Variants in NRXN3 observed in about 807,000 individuals in gnomAD.
The protein encoded by NRXN3 is neurexin III.
NRXN3 carries 32 observed loss-of-function variants against 137.6 expected under a neutral mutation model. The ratio of observed to expected loss-of-function variants is 0.23; its 90% CI spans 0.18 to 0.31. The LOEUF (loss-of-function observed/expected upper bound fraction) is 0.31, where lower values mean the gene tolerates loss of function less well. Ranked by LOEUF, NRXN3 falls within the 10% of genes least tolerant of loss-of-function variation. The pLI is 1.00. For missense variants in NRXN3, 1,574 were observed against 2,062.5 expected, an observed-to-expected ratio of 0.76 and a Z score of 4.59; for synonymous variants, 798 against 784.5, an observed-to-expected ratio of 1.02 and a Z score of -0.29.
intron 19 of NRXN3, among the ~76,000 whole-genome samples, chr14:79,760,421 C>CT (rs36098809): frequency 0.033 from 4,548 of 138,268 alleles, 321 homozygotes; most frequent in African/African-American, 0.11. Context: ...ATAACTTAAC[C>CT]TTTTTTTTTT....
At chr14:78,995,647 C>A (rs965439098) in intron 15 of NRXN3, among the ~76,000 whole-genome samples, 1 of 152,112 alleles carries the variant, frequency 6.6e-6, no homozygotes, top group Non-Finnish European at 1.5e-5. Flanking sequence ...TTCGATATTA[C>A]TTTCAAAAAG....
chr14:79,103,170 G>C (rs2051676462), intron 15 of NRXN3, among the ~76,000 whole-genome samples: 1 of 152,192 alleles, frequency 6.6e-6, no homozygotes, highest in Non-Finnish European at 1.5e-5. Flanking sequence ...GAGAAAGGTA[G>C]TGGCAATGGG....
intron 8 of NRXN3, among the ~76,000 whole-genome samples, chr14:78,757,178 G>A (rs973102820): frequency 2.6e-5 from 4 of 151,990 alleles, no homozygotes; most frequent in Non-Finnish European, 5.9e-5. Flanking sequence ...GAGGCCGAGG[G>A]GGGCAGACTG....
At chr14:78,226,153 G>A (rs1468685273) in intron 1 of NRXN3, among the ~76,000 whole-genome samples, 1 of 152,092 alleles carries the variant, frequency 6.6e-6, no homozygotes, top group Non-Finnish European at 1.5e-5. Context: ...ACAGGCGCGT[G>A]CCACCACGCC....
chr14:79,851,109 T>TC, intron 20 of NRXN3, among the ~76,000 whole-genome samples: 1 of 152,294 alleles, frequency 6.6e-6, no homozygotes, highest in African/African-American at 2.4e-5. Context: ...TGCTGATGTA[T>TC]CTTTTTCGAA....
At chr14:79,194,928 G>A (rs1185769205) in intron 15 of NRXN3, among the ~76,000 whole-genome samples, 1 of 152,130 alleles carries the variant, frequency 6.6e-6, no homozygotes, top group Admixed American at 6.5e-5. Flanking sequence ...TGTGGAGGAA[G>A]AGGCTATAAA....
chr14:79,582,759 T>G (rs1193495585), intron 16 of NRXN3, among the ~76,000 whole-genome samples: 1 of 152,112 alleles, frequency 6.6e-6, no homozygotes, highest in African/African-American at 2.4e-5. Flanking sequence ...ACTAAAGGAA[T>G]GAAGAAATAA....
In NRXN3 at chr14:79,865,321, T is replaced by G. The variant is rs1244544915; in HGVS notation, c.*3357T>G. The G allele has an allele frequency of 6.6e-6, 1 of 152,226 alleles. No homozygotes were observed. The highest frequency in any genetic ancestry group is 2.4e-5 in the African/African-American group (1 of 41,470). 9.4% of individuals were successfully genotyped at this position (152,226 alleles called of 1,614,324 possible). On this transcript the variant is annotated 3_prime_UTR_variant, in exon 21 of 21. Coordinates refer to ENST00000335750, the MANE Select transcript of NRXN3 (RefSeq NM_001330195.2). The stretch of plus-strand genomic sequence containing the variant: ...TCATACACCCATTGTAGCAGTAATG[T>G]CTCATATTTCTCGTTCTCTCAGCAC...
chr14:78,398,691 A>G (rs992805081), intron 4 of NRXN3, among the ~76,000 whole-genome samples: 1 of 152,170 alleles, frequency 6.6e-6, no homozygotes, highest in African/African-American at 2.4e-5. Flanking sequence ...GGTGCTGGCA[A>G]AAGTCCTGGC....
chr14:78,686,660 C>T (rs191925957), intron 6 of NRXN3, among the ~76,000 whole-genome samples: 9 of 152,200 alleles, frequency 5.9e-5, no homozygotes, highest in Admixed American at 5.2e-4. Flanking sequence ...AGTGTATGTG[C>T]GTACCTTTGT....
intron 2 of NRXN3, among the ~76,000 whole-genome samples, chr14:78,252,434 A>G (rs1031758832): frequency 1.3e-5 from 2 of 152,200 alleles, no homozygotes; most frequent in African/African-American, 2.4e-5. Flanking sequence ...TGTGAAATGC[A>G]TATAGGATCC....
chr14:78,564,842 C>A (rs971563766), intron 4 of NRXN3, among the ~76,000 whole-genome samples: 1 of 152,104 alleles, frequency 6.6e-6, no homozygotes, highest in Non-Finnish European at 1.5e-5. Flanking sequence ...ATATTTAGAA[C>A]CCTTCCACTA....
intron 4 of NRXN3, among the ~76,000 whole-genome samples, chr14:78,302,626 G>A (rs146006005): frequency 6.6e-6 from 1 of 152,246 alleles, no homozygotes; most frequent in East Asian, 1.9e-4. Flanking sequence ...ATATGTCTCT[G>A]TAAATGCCCC....
intron 15 of NRXN3, among the ~76,000 whole-genome samples, chr14:79,273,497 G>C (rs2079735213): frequency 6.6e-6 from 1 of 151,856 alleles, no homozygotes. Flanking sequence ...AGCCAGGCGT[G>C]GTGGTGGGCA....
chr14:79,353,296 T>C (rs2093295056), intron 15 of NRXN3, among the ~76,000 whole-genome samples: 1 of 152,120 alleles, frequency 6.6e-6, no homozygotes, highest in Non-Finnish European at 1.5e-5. Flanking sequence ...TATATGTTTC[T>C]GGAAACTATT....
At chr14:79,808,256 A>G (rs2099217374) in intron 20 of NRXN3, among the ~76,000 whole-genome samples, 1 of 104,954 alleles carries the variant, frequency 9.5e-6, no homozygotes, top group Non-Finnish European at 2.0e-5. Flanking sequence ...AAAAAAAAAA[A>G]TATATATATA....
intron 16 of NRXN3, among the ~76,000 whole-genome samples, chr14:79,529,639 A>G (rs768612556): frequency 1.3e-3 from 204 of 152,384 alleles, no homozygotes; most frequent in Non-Finnish European, 1.5e-3. Context: ...ATAAACTTTG[A>G]AACTCCAAAA....
At chr14:78,498,899 T>C (rs1122898) in intron 4 of NRXN3, among the ~76,000 whole-genome samples, 63,372 of 151,722 alleles carry the variant, frequency 0.42, 13,422 homozygotes, top group East Asian at 0.5. Flanking sequence ...TAGTTGGGAC[T>C]GCAGGCATGA....
intron 2 of NRXN3, among the ~76,000 whole-genome samples, chr14:78,244,794 G>C (rs1236043100): frequency 2.0e-5 from 3 of 152,208 alleles, no homozygotes; most frequent in Non-Finnish European, 2.9e-5. Context: ...ATTGACTGCA[G>C]TGTTGTTCAG....
Sources: gnomAD v4.1 joint callset for allele counts (sites outside exome capture counted in the v4.1 genomes callset) on GRCh38, gnomAD v4.1.1 for gene constraint, MANE v1.5 for transcripts, NCBI Gene and HGNC (gene_info 2026-07-23, HGNC 2026-07-21) for gene names.